The following LRRK2 variants were observed in gnomAD, a reference collection of about 807,000 sequenced individuals.
The protein encoded by LRRK2 is leucine rich repeat kinase 2.
LRRK2 carries 203 observed loss-of-function variants against 302.6 expected under a neutral mutation model. The ratio of observed to expected loss-of-function variants is 0.67; its 90% CI spans 0.60 to 0.75. The LOEUF is 0.75. Among genes scored for constraint, LRRK2 ranks in the 30% least tolerant of loss-of-function variants. The pLI is 0.00. For missense variants in LRRK2, 2,830 were observed against 2,951.0 expected (o/e 0.96, Z 0.95); for synonymous variants, 1,066 against 1,031.9 (o/e 1.03, Z -0.63).
At chr12:40,341,707 G>A (rs989370463) in intron 41 of LRRK2, among the ~76,000 whole-genome samples, 2 of 152,254 alleles carry the variant, frequency 1.3e-5, no homozygotes, top group South Asian at 2.1e-4. Flanking sequence ...GGGAGATTAT[G>A]TAACTTGCAG....
chr12:40,246,525 A>T (rs990507559), intron 7 of LRRK2, among the ~76,000 whole-genome samples: 1 of 151,950 alleles, frequency 6.6e-6, no homozygotes, highest in Non-Finnish European at 1.5e-5. Context: ...TTTGTATCTG[A>T]TAACTATATA....
rs1946405416 is a variant in LRRK2 at position 40,353,007 on chromosome 12, A to AG, written c.6576+1278dup. Among the ~76,000 whole-genome samples the AG allele has an allele frequency of 3.3e-5, 5 of 152,250 alleles. No homozygotes were observed. The South Asian group carries it at 8.3e-4, about 25-fold the overall frequency. ...CCCAGACGGGGTGGCAGCCGGGCAG[A>AG]GGGGCTCCTCACTTCCCAGAAGGGG... On this transcript the variant is annotated intron_variant, in intron 44 of 50. Coordinates refer to ENST00000298910, the MANE Select transcript of LRRK2 (RefSeq NM_198578.4).
At chr12:40,276,917 C>T (rs2136618244) in intron 16 of LRRK2, among the ~76,000 whole-genome samples, 1 of 152,286 alleles carries the variant, frequency 6.6e-6, no homozygotes, top group Admixed American at 6.5e-5. Context: ...ACTGCAACCT[C>T]TGCCTCCTGG....
intron 5 of LRRK2, 103 bp from the exon 6 acceptor site, chr12:40,240,380 C>A (rs1424439829): frequency 9.8e-7 from 1 of 1,021,828 alleles, no homozygotes; most frequent in Non-Finnish European, 1.5e-6. Context: ...GGAGATTACA[C>A]TTGATGTATC....
chr12:40,339,412 G>C (rs17491494), intron 40 of LRRK2, among the ~76,000 whole-genome samples: 5 of 152,196 alleles, frequency 3.3e-5, no homozygotes, highest in Non-Finnish European at 7.4e-5. Flanking sequence ...CTGAGATGCG[G>C]TAAGCTCTTT....
At position 40,321,180 on chromosome 12, in the gene LRRK2, CAGGGAG is replaced by C; in HGVS notation, c.5166_5170+1del. The stretch of plus-strand genomic sequence containing the variant: ...CTTGAGATTTCACCTTACATGCTTT[CAGGGAG>C]AGGTAAGTATCTAATGAAGACTTAT... On this transcript the variant is annotated inframe_deletion and splice_region_variant, in exon 35 of 51. Coordinates refer to ENST00000298910, the MANE Select transcript of LRRK2 (RefSeq NM_198578.4). 1 of 1,611,594 alleles carries C rather than the reference CAGGGAG, an allele frequency of 6.2e-7. No homozygotes were observed. Among genetic ancestry groups the C allele is most frequent in the Non-Finnish European group, 8.5e-7 (1 of 1,178,238 alleles).
intron 2 of LRRK2, among the ~76,000 whole-genome samples, chr12:40,228,636 C>T (rs1316832850): frequency 6.6e-6 from 1 of 151,858 alleles, no homozygotes; most frequent in Non-Finnish European, 1.5e-5. Flanking sequence ...GTTGTAATTG[C>T]CTGTGCTTTT....
chr12:40,310,402 A>G (rs1400931211), intron 30 of LRRK2, 29 bp from the exon 31 acceptor site: 1 of 1,609,632 alleles, frequency 6.2e-7, no homozygotes, highest in Non-Finnish European at 8.5e-7. Context: ...GAAAGCAAAC[A>G]CAAGAGGGTT....
intron 23 of LRRK2, among the ~76,000 whole-genome samples, chr12:40,297,203 A>G (rs1373118042): frequency 6.6e-6 from 1 of 152,176 alleles, no homozygotes; most frequent in Non-Finnish European, 1.5e-5. Flanking sequence ...TAATCCTTCA[A>G]TTAATATTTG....
intron 45 of LRRK2, among the ~76,000 whole-genome samples, chr12:40,355,416 G>A (rs2162472): frequency 1.4e-4 from 21 of 151,418 alleles, no homozygotes; most frequent in African/African-American, 4.6e-4. Context: ...TTGTCAATGT[G>A]ATTAGGCCAT....
At chr12:40,308,140 T>C (rs534547400) in intron 28 of LRRK2, among the ~76,000 whole-genome samples, 1 of 152,318 alleles carries the variant, frequency 6.6e-6, no homozygotes, top group Admixed American at 6.5e-5. Flanking sequence ...CATGTATGTA[T>C]ATGTGTGTAT....
At position 40,358,063 on chromosome 12, in the gene LRRK2, C is replaced by T. The variant is rs556611746; in HGVS notation, c.6844-1197C>T. Among the ~76,000 whole-genome samples the T allele has an allele frequency of 2.0e-5, 3 of 151,664 alleles. No individual in the cohort carries two copies. In the South Asian group the frequency reaches 6.2e-4, roughly 31 times the overall value. On this transcript the variant is annotated intron_variant, in intron 46 of 50. Transcript: ENST00000298910. ...GATTACAGGCATGAGCCACCATACC[C>T]AGCCCTTTGCCTACTTTTAAATGGA...
rs993954340 is a variant in LRRK2 at position 40,309,022 on chromosome 12, T to G, written c.4190-84T>G. The G allele has an allele frequency of 2.8e-6, 4 of 1,418,744 alleles. No individual in the cohort carries two copies. The African/African-American group carries it at 4.3e-5, about 15-fold the overall frequency. 87.9% of individuals were successfully genotyped at this position (1,418,744 alleles called of 1,614,324 possible). The stretch of plus-strand genomic sequence containing the variant: ...TTAGTATGCTAAATAATAAATAGTA[T>G]TATTCTCCCAGATTTTTTTTTAAAA... On this transcript the variant is annotated intron_variant, in intron 29 of 50. Transcript: ENST00000298910.
intron 20 of LRRK2, among the ~76,000 whole-genome samples, chr12:40,291,009 T>C (rs940039405): frequency 3.3e-5 from 5 of 152,058 alleles, no homozygotes; most frequent in African/African-American, 1.2e-4. Context: ...TTTCTATTCA[T>C]TTAAAAAAAT....
chr12:40,270,264 T>C (rs575431907), intron 14 of LRRK2, among the ~76,000 whole-genome samples: 6 of 152,292 alleles, frequency 3.9e-5, no homozygotes, highest in Admixed American at 1.3e-4. Flanking sequence ...CACCTACTTT[T>C]GTTCAATAAA....
At position 40,276,843 on chromosome 12, in the gene LRRK2, A is replaced by T. The variant is rs940604063; in HGVS notation, c.1942-1045A>T. Among the ~76,000 whole-genome samples the T allele has an allele frequency of 3.3e-5, 5 of 151,728 alleles. No homozygotes were observed. The East Asian group carries it at 5.8e-4, about 18-fold the overall frequency. ...TTTAGATGACGTAAGTTAATTTAAA[A>T]TTTTTTTGAGATGGGGTCTCACTCT... On this transcript the variant is annotated intron_variant, in intron 16 of 50. Transcript: ENST00000298910.
At chr12:40,254,831 G>T (rs990183508) in intron 11 of LRRK2, among the ~76,000 whole-genome samples, 1 of 152,144 alleles carries the variant, frequency 6.6e-6, no homozygotes, top group African/African-American at 2.4e-5. Context: ...AATGTCCTCA[G>T]ATCCTTTTGT....
chr12:40,232,347 A>G lies in LRRK2; in HGVS notation c.311A>G (p.Asp104Gly). Residue 104 changes from aspartate (D) to glycine (G), a missense_variant, in exon 3 of 51, where the codon GAT (aspartate) becomes GGT (glycine). Physicochemically the swap from Asp to Gly is moderately conservative, Grantham distance 94. Around this residue, in one of 3 missense-constraint regions of LRRK2, gnomAD observed 2,121 missense variants for 2,148.0 expected, o/e 0.99. Coordinates refer to ENST00000298910, the MANE Select transcript of LRRK2 (RefSeq NM_198578.4). ...GTMQSLMGPQ[D>G]VGNDWEVLGV... is the part of the protein sequence containing the mutation. ...ATGCAAAGCTTAATGGGACCCCAGGATGTTGGAAATGATTGGGAAGTCCTT... is the reference window on the plus strand; with the variant it reads ...ATGCAAAGCTTAATGGGACCCCAGGGTGTTGGAAATGATTGGGAAGTCCTT... The G allele has an allele frequency of 6.2e-7, 1 of 1,614,070 alleles. No individual in the cohort carries two copies. The highest frequency in any genetic ancestry group is 8.5e-7 in the Non-Finnish European group (1 of 1,179,956).
intron 18 of LRRK2, among the ~76,000 whole-genome samples, chr12:40,281,042 TGGGCGACA>T (rs1190292418): frequency 6.9e-6 from 1 of 144,312 alleles, no homozygotes; most frequent in Admixed American, 7.1e-5. Flanking sequence ...CACTGCAGCC[TGGGCGACA>T]GAGTGAGACT....
Sources: gnomAD v4.1 joint callset for allele counts (sites outside exome capture counted in the v4.1 genomes callset) on GRCh38, gnomAD v4.1.1 for gene constraint, gnomAD v4.1.1 regional missense constraint, MANE v1.5 for transcripts, NCBI Gene and HGNC (gene_info 2026-07-23, HGNC 2026-07-21) for gene names.